The following TOM1L1 variants were observed in gnomAD, a reference collection of about 807,000 sequenced individuals.
TOM1L1 encodes the protein TOM1-like protein 1.
A neutral mutation model predicts 63.4 loss-of-function variants in TOM1L1; 64 were observed. The observed-to-expected ratio is 1.01, with a 90% CI of 0.83 to 1.24. The LOEUF is 1.24. TOM1L1 is among the 50% of genes most tolerant of loss of function. TOM1L1 has a pLI of 0.00. For missense variants in TOM1L1, 536 were observed against 567.0 expected (o/e 0.95, Z 0.55); for synonymous variants, 166 against 194.4 (o/e 0.85, Z 1.22).
In TOM1L1 at chr17:54,903,692, A is replaced by G. The variant is rs767155529; in HGVS notation, c.59-16A>G. 2 of 1,612,228 alleles carry G rather than the reference A, an allele frequency of 1.2e-6. No individual in the cohort carries two copies. Among genetic ancestry groups the G allele is most frequent in the Non-Finnish European group, 1.7e-6 (2 of 1,178,208 alleles). On this transcript the variant is annotated splice_polypyrimidine_tract_variant and intron_variant, in intron 1 of 15. Coordinates refer to ENST00000575882, the MANE Select transcript of TOM1L1 (RefSeq NM_005486.3). ...TATTCTGTTGTAGCTCAGACTCAAC[A>G]GCTTTTTCTTGGCAGAAAAGGCTAC... is the stretch of plus-strand genomic sequence containing the variant.
intron 7 of TOM1L1, among the ~76,000 whole-genome samples, chr17:54,919,727 C>G (rs1163680806): frequency 6.6e-6 from 1 of 152,018 alleles, no homozygotes; most frequent in Non-Finnish European, 1.5e-5. Context: ...TGTTATTTTT[C>G]TTTGTATACT....
At chr17:54,939,407 G>A (rs1203581388) in intron 11 of TOM1L1, among the ~76,000 whole-genome samples, 1 of 151,038 alleles carries the variant, frequency 6.6e-6, no homozygotes, top group African/African-American at 2.5e-5. Flanking sequence ...AGGAGATGGG[G>A]AAGAACAGGG....
intron 11 of TOM1L1, 88 bp downstream of exon 11, chr17:54,939,108 TTA>T (rs2048997810): frequency 4.4e-6 from 4 of 910,820 alleles, no homozygotes; most frequent in Non-Finnish European, 6.7e-6. Flanking sequence ...GCGCAGTGAC[TTA>T]CATCTGTAAT....
chr17:54,909,263 C>T (rs1219951061), intron 3 of TOM1L1, among the ~76,000 whole-genome samples: 1 of 152,118 alleles, frequency 6.6e-6, no homozygotes, highest in Non-Finnish European at 1.5e-5. Flanking sequence ...TGTATCCAAG[C>T]AAAACAAAGC....
rs9900816 is a variant in TOM1L1 at position 54,934,696 on chromosome 17, G to C, written c.855-1953G>C. On this transcript the variant is annotated intron_variant, in intron 8 of 15. Transcript: ENST00000575882. ...TAACTGACTAGAATATAAGAAGCTA[G>C]TGCTATAACTAGATGGATTTTTTTT... Among the ~76,000 whole-genome samples, 1,429 of 151,036 alleles carry C rather than the reference G, an allele frequency of 9.5e-3. 5 individuals are homozygous for C. The highest frequency in any genetic ancestry group is 0.037 in the Middle Eastern group (11 of 294).
At chr17:54,928,298 C>T (rs1174349030) in intron 7 of TOM1L1, among the ~76,000 whole-genome samples, 1 of 151,812 alleles carries the variant, frequency 6.6e-6, no homozygotes, top group Non-Finnish European at 1.5e-5. Flanking sequence ...GTTTCAATGG[C>T]ACCATTGCCA....
intron 7 of TOM1L1, among the ~76,000 whole-genome samples, chr17:54,918,956 G>A (rs148051834): frequency 1.3e-5 from 2 of 152,256 alleles, no homozygotes; most frequent in East Asian, 1.9e-4. Flanking sequence ...TTTTGGATCC[G>A]TGGCTTTAAG....
chr17:54,929,736 C>A (rs912833920), intron 7 of TOM1L1, among the ~76,000 whole-genome samples: 1 of 123,594 alleles, frequency 8.1e-6, no homozygotes. Context: ...ATTTAAAAAA[C>A]ATGTGTTTTT....
chr17:54,936,534 G>T (rs578019355), intron 8 of TOM1L1, 115 bp from the exon 9 acceptor site: 1 of 842,228 alleles, frequency 1.2e-6, no homozygotes, highest in African/African-American at 1.8e-5. Context: ...ATAATTGTGT[G>T]AGGATGAGGC....
intron 6 of TOM1L1, among the ~76,000 whole-genome samples, chr17:54,915,064 T>C (rs926236077): frequency 1.3e-5 from 2 of 152,222 alleles, no homozygotes; most frequent in Non-Finnish European, 2.9e-5. Context: ...GGTAGGACTG[T>C]CACATATTTC....
At chr17:54,947,972 C>T (rs534500107) in intron 12 of TOM1L1, among the ~76,000 whole-genome samples, 1 of 152,338 alleles carries the variant, frequency 6.6e-6, no homozygotes, top group African/African-American at 2.4e-5. Flanking sequence ...AGTCTCCACT[C>T]TCAACCTGCC....
At chr17:54,936,444 C>T (rs1368635832) in intron 8 of TOM1L1, 2 of 430,856 alleles carry the variant, frequency 4.6e-6, no homozygotes, top group Non-Finnish European at 8.3e-6. Flanking sequence ...TTTTTAAATA[C>T]TTTTCTATTT....
intron 3 of TOM1L1, among the ~76,000 whole-genome samples, chr17:54,911,839 G>A (rs1259492167): frequency 2.0e-5 from 3 of 152,042 alleles, no homozygotes; most frequent in African/African-American, 7.2e-5. Context: ...TCAATTTCAG[G>A]GTACAGGTGT....
intron 1 of TOM1L1, among the ~76,000 whole-genome samples, chr17:54,901,684 C>T (rs922926254): frequency 3.3e-4 from 50 of 152,154 alleles, no homozygotes; most frequent in African/African-American, 1.2e-3. Context: ...CATATTAATG[C>T]CAGGCAAAGT....
intron 11 of TOM1L1, chr17:54,942,154 T>C (rs1042528135): frequency 2.0e-5 from 3 of 152,114 alleles, no homozygotes; most frequent in Non-Finnish European, 1.5e-5. Context: ...TGGAGTGCCG[T>C]AGTTCGATTT....
chr17:54,956,462 C>T (rs572116054), intron 14 of TOM1L1, among the ~76,000 whole-genome samples: 65 of 152,120 alleles, frequency 4.3e-4, no homozygotes, highest in African/African-American at 1.5e-3. Flanking sequence ...TGTGCCACCA[C>T]GCCTGGCTAA....
rs370374124 is a variant in TOM1L1 at position 54,907,770 on chromosome 17, AG to A, written c.222+2206del. Among the ~76,000 whole-genome samples, 686 of 152,300 alleles carry A rather than the reference AG, an allele frequency of 4.5e-3. 6 individuals carry two copies. The highest frequency in any genetic ancestry group is 0.031 in the Middle Eastern group (9 of 294). ...TTAGGAGAATTGAGTAAGGAAGAGA[AG>A]GGCAGAAGATGAATTTATGCCCCCT... On this transcript the variant is annotated intron_variant, in intron 3 of 15. Coordinates refer to ENST00000575882, the MANE Select transcript of TOM1L1 (RefSeq NM_005486.3).
chr17:54,903,624 G>A (rs1431594171), intron 1 of TOM1L1, 84 bp from the exon 2 acceptor site: 11 of 1,228,752 alleles, frequency 9.0e-6, no homozygotes, highest in Non-Finnish European at 1.3e-5. Flanking sequence ...GACACTTGCT[G>A]GTGCAGCCTA....
chr17:54,960,977 G>T, intron 15 of TOM1L1: 1 of 547,268 alleles, frequency 1.8e-6, no homozygotes, highest in African/African-American at 1.9e-5. Context: ...CCCATTTACC[G>T]TTAGTCCTCC....
Sources: allele counts gnomAD v4.1 joint callset (sites outside exome capture counted in the v4.1 genomes callset), GRCh38; gene constraint gnomAD v4.1.1; transcripts MANE v1.5; gene names NCBI Gene and HGNC (gene_info 2026-07-23, HGNC 2026-07-21).